Variants in IL21 observed in about 807,000 individuals in gnomAD.
The protein encoded by IL21 is interleukin-21.
IL21 carries 3 observed loss-of-function variants against 18.4 expected under a neutral mutation model. That is an observed-to-expected ratio of 0.16 (90% CI 0.07 to 0.42). The LOEUF is 0.42. IL21 is among the 10% of genes least tolerant of loss of function. The pLI is 0.99. For synonymous variants in IL21, 37 were observed against 62.0 expected (o/e 0.60, Z 1.90); for missense variants, 130 against 188.4 (o/e 0.69, Z 1.81).
chr4:122,615,561 G>A (rs964097924), intron 3 of IL21, 121 bp downstream of exon 3: 40 of 811,220 alleles, frequency 4.9e-5, no homozygotes, highest in Middle Eastern at 3.8e-4. Context: ...GTATAATAAG[G>A]CATAACTATA....
chr4:122,610,315 C>T lies in IL21; in HGVS notation c.*2395G>A, dbSNP rs1291479098. 2.0e-5 allele frequency among the ~76,000 whole-genome samples: 3 copies of T among 152,096 alleles called. No individual in the cohort carries two copies. Among genetic ancestry groups the T allele is most frequent in the Non-Finnish European group, 4.4e-5 (3 of 68,010 alleles). On this transcript the variant is annotated 3_prime_UTR_variant, in exon 5 of 5. Transcript: ENST00000648588. ...TTTATACAAGTGTTCCAAGAAGACA[C>T]TTTGAACTAAAATAATAAAGATCAT...
rs150556395 is a variant in IL21, at chr4:122,616,148, G to A, written c.205-311C>T. Among the ~76,000 whole-genome samples, 12 of 152,288 alleles carry A rather than the reference G, an allele frequency of 7.9e-5. No homozygotes were observed. In the East Asian group the frequency reaches 1.9e-3, roughly 24 times the overall value. ...GTGTTTTATAAAGGAGAGTTAGTTC[G>A]GTTTAGGACACATTTGCTGAGTTAT... On this transcript the variant is annotated intron_variant, in intron 2 of 4. Transcript: ENST00000648588.
chr4:122,615,921 T>G (rs765295292), intron 2 of IL21, 84 bp from the exon 3 acceptor site: 16 of 1,158,164 alleles, frequency 1.4e-5, no homozygotes, highest in Non-Finnish European at 2.0e-5. Flanking sequence ...TATTTCTATC[T>G]CTTCTGCAAT....
intron 2 of IL21, among the ~76,000 whole-genome samples, chr4:122,617,134 G>C (rs74541282): frequency 2.0e-5 from 3 of 152,280 alleles, no homozygotes; most frequent in Admixed American, 2.0e-4. Flanking sequence ...GCCACAAGCC[G>C]AGAAGCAGCT....
intron 3 of IL21, 129 bp downstream of exon 3, chr4:122,615,553 A>G: frequency 4.1e-6 from 3 of 740,654 alleles, no homozygotes; most frequent in South Asian, 4.1e-5. Flanking sequence ...AGCACCATGT[A>G]TAATAAGGCA....
At chr4:122,618,238 G>A (rs151299683) in intron 2 of IL21, among the ~76,000 whole-genome samples, 4 of 150,842 alleles carry the variant, frequency 2.7e-5, no homozygotes, top group African/African-American at 9.7e-5. Context: ...ACTTGGCTTT[G>A]TTGTTTTGCA....
At position 122,612,383 on chromosome 4, in the gene IL21, T is replaced by C. The variant is rs879447455; in HGVS notation, c.*327A>G. Among the ~76,000 whole-genome samples, 7 of 152,100 alleles carry C rather than the reference T, an allele frequency of 4.6e-5. No homozygotes were observed. The highest frequency in any genetic ancestry group is 1.0e-4 in the Non-Finnish European group (7 of 67,998). On this transcript the variant is annotated 3_prime_UTR_variant, in exon 5 of 5. Coordinates refer to ENST00000648588, the MANE Select transcript of IL21 (RefSeq NM_021803.4). Reference sequence around the variant, plus strand: ...GTTATGATCATAATAGACCTCATTCTGGTGGTAATCAAGCTCAAGGTTAAT... The same window carrying C: ...GTTATGATCATAATAGACCTCATTCCGGTGGTAATCAAGCTCAAGGTTAAT...
rs1799418393 is a variant in IL21 at position 122,620,897 on chromosome 4, T to G, written c.115A>C (p.Met39Leu). ...TCAACAATATCTATAAGTTGACGCA[T>G]TCTAATCATGTGGCGATCTTGACCT... ...SQGQDRHMIR[M>L]RQLIDIVDQL... Residue 39 changes from methionine to leucine, a missense_variant, in exon 1 of 5, where the codon ATG (methionine) becomes CTG (leucine). Physicochemically the swap from Met to Leu is conservative, Grantham distance 15 (BLOSUM62 2). Transcript: ENST00000648588. 1.9e-6 allele frequency: 3 copies of G among 1,614,010 alleles called. No homozygotes were observed. Among genetic ancestry groups the G allele is most frequent in the Non-Finnish European group, 2.5e-6 (3 of 1,179,974 alleles).
chr4:122,612,678 T>C lies in IL21; in HGVS notation c.*32A>G, dbSNP rs372723976. 8 of 1,406,422 alleles carry C rather than the reference T, an allele frequency of 5.7e-6. No homozygotes were observed. The African/African-American group carries it at 1.1e-4, about 20-fold the overall frequency. The allele number at this position is 1,406,422 out of a possible 1,614,324, so 87.1% of individuals were successfully genotyped here. A position where few individuals can be genotyped will look rare whatever the true frequency, so the allele number is the denominator to read the frequency against. ...TGACTTTCACTACTATATTAGAGTATGTAACATAGTGTCCAACTGCAAGTT... is the reference window on the plus strand; with the variant it reads ...TGACTTTCACTACTATATTAGAGTACGTAACATAGTGTCCAACTGCAAGTT... On this transcript the variant is annotated 3_prime_UTR_variant, in exon 5 of 5. Transcript: ENST00000648588.
rs1049026858 is a variant in IL21, at chr4:122,612,167, G to A, written c.*543C>T. Reference sequence around the variant, plus strand: ...CTTTTATAGCCATCTAGTATCCCCCGGTGCATAAATAAATTACATATTTAT... The same window carrying A: ...CTTTTATAGCCATCTAGTATCCCCCAGTGCATAAATAAATTACATATTTAT... On this transcript the variant is annotated 3_prime_UTR_variant, in exon 5 of 5. Coordinates refer to ENST00000648588, the MANE Select transcript of IL21 (RefSeq NM_021803.4). 1.3e-5 allele frequency among the ~76,000 whole-genome samples: 2 copies of A among 150,682 alleles called. No homozygotes were observed. The highest frequency in any genetic ancestry group is 2.1e-4 in the South Asian group (1 of 4,768).
In IL21 at chr4:122,615,708, C is replaced by A. The variant is rs1419621883; in HGVS notation, c.334G>T (p.Ala112Ser). 10 of 1,613,182 alleles carry A rather than the reference C, an allele frequency of 6.2e-6. No homozygotes were observed. The East Asian group carries it at 2.0e-4, about 32-fold the overall frequency. The change falls in exon 3 of 5, where the codon GCA (alanine) becomes TCA (serine). Residue 112 changes from alanine to serine, a missense_variant. By Grantham distance (99) the Ala-to-Ser change is moderately conservative (BLOSUM62 1). Coordinates refer to ENST00000648588, the MANE Select transcript of IL21 (RefSeq NM_021803.4). ...KLKRKPPSTNAGRRQKHRLTC... is the reference protein window; with the variant it reads ...KLKRKPPSTNSGRRQKHRLTC... ...AGTCTGTGTTTCTGTCTTCTCCCTG[C>A]ATTTGTGGAAGGTGGTTTCCTCTTC... is the stretch of plus-strand genomic sequence containing the variant.
At chr4:122,614,685 G>A (rs889853668) in intron 3 of IL21, among the ~76,000 whole-genome samples, 6 of 151,964 alleles carry the variant, frequency 3.9e-5, no homozygotes, top group East Asian at 3.9e-4. Flanking sequence ...CAGCATGGGC[G>A]ACAGACTGAG....
chr4:122,619,222 C>T (rs1275417316), intron 2 of IL21: 2 of 152,162 alleles, frequency 1.3e-5, no homozygotes, highest in East Asian at 3.8e-4. Flanking sequence ...CTTTTAAAAT[C>T]TCTTACAGAC....
intron 3 of IL21, among the ~76,000 whole-genome samples, chr4:122,614,568 G>T (rs187352759): frequency 1.9e-4 from 29 of 152,062 alleles, no homozygotes; most frequent in African/African-American, 7.0e-4. Flanking sequence ...TTAGCCAGGC[G>T]TGATGGTGTG....
intron 3 of IL21, among the ~76,000 whole-genome samples, chr4:122,613,508 T>C (rs1371924887): frequency 2.6e-5 from 4 of 151,944 alleles, no homozygotes; most frequent in Non-Finnish European, 4.4e-5. Context: ...CGCACGACCA[T>C]GCCTGGCTAA....
At chr4:122,617,920 A>G (rs1170932760) in intron 2 of IL21, among the ~76,000 whole-genome samples, 1 of 152,220 alleles carries the variant, frequency 6.6e-6, no homozygotes, top group Non-Finnish European at 1.5e-5. Flanking sequence ...AGGAGAGTGA[A>G]AAGATTAACC....
In IL21 at chr4:122,611,510, T is replaced by C. The variant is rs1268791886; in HGVS notation, c.*1200A>G. On this transcript the variant is annotated 3_prime_UTR_variant, in exon 5 of 5. Transcript: ENST00000648588. ...TAGCTTATACCATTCTAGCGAACAT[T>C]TTACTTTTCTAGAGTTTTTAACTTC... is the stretch of plus-strand genomic sequence containing the variant. Among the ~76,000 whole-genome samples the C allele has an allele frequency of 6.6e-6, 1 of 152,174 alleles. No individual in the cohort carries two copies. The highest frequency in any genetic ancestry group is 2.4e-5 in the African/African-American group (1 of 41,448).
intron 2 of IL21, chr4:122,619,502 C>G (rs1028886995): frequency 2.0e-5 from 3 of 152,174 alleles, no homozygotes; most frequent in African/African-American, 7.2e-5. Flanking sequence ...GGTGGAATCT[C>G]TTTCTTATTT....
rs1462442591 is a variant in IL21, at chr4:122,612,459, TCTC to T, written c.*248_*250del. Among the ~76,000 whole-genome samples, 10 of 152,102 alleles carry T rather than the reference TCTC, an allele frequency of 6.6e-5. No homozygotes were observed. The highest frequency in any genetic ancestry group is 2.4e-4 in the African/African-American group (10 of 41,430). On this transcript the variant is annotated 3_prime_UTR_variant, in exon 5 of 5. Coordinates refer to ENST00000648588, the MANE Select transcript of IL21 (RefSeq NM_021803.4). ...TATTTTTGGTTAAAAATTTTAGCCT[TCTC>T]CTTCAACCAAGAAATGTCAAAGTTG... is the stretch of plus-strand genomic sequence containing the variant.
Sources: gnomAD v4.1 joint callset for allele counts (sites outside exome capture counted in the v4.1 genomes callset) on GRCh38, gnomAD v4.1.1 for gene constraint, MANE v1.5 for transcripts, NCBI Gene and HGNC (gene_info 2026-07-23, HGNC 2026-07-21) for gene names.